The following ARHGAP24 variants were observed in gnomAD, a reference collection of about 807,000 sequenced individuals.
ARHGAP24 encodes the protein rho GTPase-activating protein 24.
In ARHGAP24, 50 loss-of-function variants were observed where a neutral mutation model predicts 76.4. The ratio of observed to expected loss-of-function variants is 0.65; its 90% confidence interval spans 0.52 to 0.83. The LOEUF (loss-of-function observed/expected upper bound fraction) is 0.83. Among genes scored for constraint, ARHGAP24 ranks in the 40% least tolerant of loss-of-function variants. The probability of loss-of-function intolerance (pLI) is 0.00; values close to 1 mark genes in which losing one functional copy is unlikely to be tolerated. For synonymous variants in ARHGAP24, 345 were observed against 323.3 expected, an observed-to-expected ratio of 1.07 and a Z score of -0.72; for missense variants, 930 against 914.2, an observed-to-expected ratio of 1.02 and a Z score of -0.22.
At chr4:85,828,064 C>T (rs985893427) in intron 3 of ARHGAP24, 1 of 1,019,570 alleles carries the variant, frequency 9.8e-7, no homozygotes, top group Non-Finnish European at 1.3e-6. Context: ...ATATTTATAT[C>T]ACCACAAATT....
At chr4:85,912,454 T>TA (rs1399133531) in intron 3 of ARHGAP24, among the ~76,000 whole-genome samples, 3 of 152,078 alleles carry the variant, frequency 2.0e-5, no homozygotes, top group African/African-American at 2.4e-5. Context: ...TTGCTTAAGA[T>TA]AAAAAAAATT....
At chr4:85,538,016 G>T (rs1433575049) in intron 1 of ARHGAP24, among the ~76,000 whole-genome samples, 2 of 146,246 alleles carry the variant, frequency 1.4e-5, no homozygotes, top group African/African-American at 2.8e-5. Flanking sequence ...AACAAATTTA[G>T]CAATCCAAGA....
At chr4:85,682,241 A>G (rs775536543) in intron 2 of ARHGAP24, among the ~76,000 whole-genome samples, 46 of 152,358 alleles carry the variant, frequency 3.0e-4, no homozygotes, top group South Asian at 8.3e-4. Flanking sequence ...CACAGATAGA[A>G]CAGAATTCTT....
intron 5 of ARHGAP24, among the ~76,000 whole-genome samples, chr4:85,970,752 C>T (rs1223362704): frequency 1.3e-5 from 2 of 152,150 alleles, no homozygotes; most frequent in African/African-American, 4.8e-5. Context: ...TGCAGCACAG[C>T]TTGGGAGTGA....
chr4:85,712,625 G>A (rs914875122), intron 2 of ARHGAP24, among the ~76,000 whole-genome samples: 7 of 151,986 alleles, frequency 4.6e-5, no homozygotes, highest in African/African-American at 1.5e-4. Flanking sequence ...GCAACCCTTG[G>A]CTTGTGGCTG....
At chr4:85,646,900 A>G (rs1578105417) in intron 2 of ARHGAP24, among the ~76,000 whole-genome samples, 1 of 152,134 alleles carries the variant, frequency 6.6e-6, no homozygotes, top group Non-Finnish European at 1.5e-5. Flanking sequence ...TTGTATTCAC[A>G]TTTATGTGAT....
chr4:85,738,384 TATTATTATTATTATTATTATC>T (rs1560609427), intron 3 of ARHGAP24, among the ~76,000 whole-genome samples: 1 of 107,020 alleles, frequency 9.3e-6, no homozygotes, highest in African/African-American at 3.2e-5. Flanking sequence ...TTATTATTAT[TATTATTATTATTATTATTATC>T]ATTATTATTA....
At chr4:85,864,352 A>AT (rs1359616752) in intron 3 of ARHGAP24, among the ~76,000 whole-genome samples, 1 of 151,964 alleles carries the variant, frequency 6.6e-6, no homozygotes, top group Non-Finnish European at 1.5e-5. Flanking sequence ...ATGGCTTATG[A>AT]TTTTTTCGAT....
At chr4:85,519,620 T>C (rs1158044460) in intron 1 of ARHGAP24, among the ~76,000 whole-genome samples, 3 of 152,306 alleles carry the variant, frequency 2.0e-5, no homozygotes, top group African/African-American at 7.2e-5. Flanking sequence ...ACTATGTTAA[T>C]TGATTTTCTC....
At chr4:85,720,375 A>G (rs1168712521) in intron 2 of ARHGAP24, among the ~76,000 whole-genome samples, 1 of 152,238 alleles carries the variant, frequency 6.6e-6, no homozygotes, top group South Asian at 2.1e-4. Flanking sequence ...AGAGAGTGGT[A>G]GTAGTAGAGA....
chr4:85,613,926 A>G (rs1720470713), intron 2 of ARHGAP24, among the ~76,000 whole-genome samples: 1 of 152,214 alleles, frequency 6.6e-6, no homozygotes. Context: ...AGAACTAGTT[A>G]TCCTCACTGT....
At chr4:85,966,023 G>T (rs2148846316) in intron 5 of ARHGAP24, among the ~76,000 whole-genome samples, 1 of 152,256 alleles carries the variant, frequency 6.6e-6, no homozygotes, top group East Asian at 1.9e-4. Context: ...TCATTTCACA[G>T]TTCCAGAAAT....
chr4:85,989,490 T>C (rs1689540922), intron 8 of ARHGAP24, among the ~76,000 whole-genome samples: 5 of 151,704 alleles, frequency 3.3e-5, no homozygotes, highest in Admixed American at 2.6e-4. Flanking sequence ...GTGCACAGAC[T>C]CTTTCAGAAA....
intron 3 of ARHGAP24, among the ~76,000 whole-genome samples, chr4:85,824,687 A>AAATCCAG (rs1729630480): frequency 7.8e-6 from 1 of 128,430 alleles, no homozygotes; most frequent in Non-Finnish European, 1.7e-5. Context: ...TTAAAATCCA[A>AAATCCAG]GAGGAAAAAA....
intron 2 of ARHGAP24, among the ~76,000 whole-genome samples, chr4:85,654,424 T>C (rs1722059195): frequency 6.6e-6 from 1 of 152,146 alleles, no homozygotes; most frequent in Admixed American, 6.6e-5. Context: ...GGGGGCAAAC[T>C]TTAGTTCATA....
chr4:85,597,633 T>A (rs1448809945), intron 2 of ARHGAP24, among the ~76,000 whole-genome samples: 3 of 152,004 alleles, frequency 2.0e-5, no homozygotes, highest in Non-Finnish European at 4.4e-5. Flanking sequence ...CAGCAACTTT[T>A]TTTTTTTTCT....
intron 5 of ARHGAP24, among the ~76,000 whole-genome samples, chr4:85,954,759 G>A (rs1560743044): frequency 6.6e-6 from 1 of 152,240 alleles, no homozygotes; most frequent in Non-Finnish European, 1.5e-5. Flanking sequence ...TGTAATCCCA[G>A]CACTTTGGGA....
intron 6 of ARHGAP24, 193 bp downstream of exon 6, chr4:85,972,361 A>G: frequency 1.5e-6 from 1 of 674,034 alleles, no homozygotes; most frequent in South Asian, 1.9e-5. Flanking sequence ...TGATCAAAAA[A>G]AAAGAATATG....
chr4:85,867,939 G>A (rs995440754), intron 3 of ARHGAP24, among the ~76,000 whole-genome samples: 116 of 129,588 alleles, frequency 9.0e-4, no homozygotes, highest in African/African-American at 3.0e-3. Flanking sequence ...AAACCAAAAC[G>A]TAACTGAGAT....
Sources: gnomAD v4.1 joint callset for allele counts (sites outside exome capture counted in the v4.1 genomes callset) on GRCh38, gnomAD v4.1.1 for gene constraint, MANE v1.5 for transcripts, NCBI Gene and HGNC (gene_info 2026-07-23, HGNC 2026-07-21) for gene names.